SMOC1: variants seen among roughly 807,000 people sequenced by gnomAD.
SMOC1 encodes SPARC-related modular calcium-binding protein 1.
SMOC1 carries 22 observed loss-of-function variants against 56.3 expected under a neutral mutation model. That is an observed-to-expected ratio of 0.39 (90% CI 0.28 to 0.56). The LOEUF (loss-of-function observed/expected upper bound fraction) is 0.56, where lower values mean the gene tolerates loss of function less well. Among genes scored for constraint, SMOC1 ranks in the 20% least tolerant of loss-of-function variants. The pLI, the probability that SMOC1 is intolerant of heterozygous loss-of-function variation, is 0.61. For synonymous variants in SMOC1, 193 were observed against 215.0 expected, an observed-to-expected ratio of 0.90 and a Z score of 0.89; for missense variants, 509 against 565.4, an observed-to-expected ratio of 0.90 and a Z score of 1.01.
intron 2 of SMOC1, 46 bp downstream of exon 2, chr14:69,952,349 C>A: frequency 6.2e-7 from 1 of 1,607,438 alleles, no homozygotes; most frequent in Non-Finnish European, 8.5e-7. Context: ...TTCCTGGGCA[C>A]CCCAGCTCCC....
rs902547998 is a variant in SMOC1, at chr14:69,952,097, C to G, written c.100-41C>G. The G allele has an allele frequency of 3.1e-6, 5 of 1,611,078 alleles. No individual in the cohort carries two copies. In the African/African-American group the frequency reaches 4.0e-5, roughly 13 times the overall value. On this transcript the variant is annotated intron_variant, in intron 1 of 11. Coordinates refer to ENST00000361956, the MANE Select transcript of SMOC1 (RefSeq NM_001034852.3). ...CATGGACTCGCCCCTACTTTTCTTG[C>G]AAAAGTAACCTCTGTACCCTTTCAC... is the stretch of plus-strand genomic sequence containing the variant.
chr14:69,926,961 G>A (rs1951510), intron 1 of SMOC1, among the ~76,000 whole-genome samples: 42,947 of 151,992 alleles, frequency 0.28, 6,622 homozygotes, highest in East Asian at 0.54. Context: ...GATGACAACA[G>A]TGGCTCACAT....
intron 7 of SMOC1, 30 bp downstream of exon 7, chr14:69,994,510 A>T: frequency 6.4e-7 from 1 of 1,552,960 alleles, no homozygotes; most frequent in South Asian, 1.1e-5. Context: ...TTATATATGT[A>T]CCCAGTCCAT....
intron 1 of SMOC1, among the ~76,000 whole-genome samples, chr14:69,920,253 C>T (rs752308745): frequency 1.6e-4 from 25 of 152,110 alleles, no homozygotes; most frequent in South Asian, 4.1e-4. Flanking sequence ...CTATGGCTGA[C>T]CTTGTAAGAA....
chr14:69,969,076 T>G (rs1264258952), intron 3 of SMOC1, among the ~76,000 whole-genome samples: 2 of 152,202 alleles, frequency 1.3e-5, no homozygotes, highest in Admixed American at 6.5e-5. Flanking sequence ...CATAGTGAAC[T>G]GAGAGCCTGA....
Position 70,024,973 on chromosome 14 carries a change from A to G in SMOC1, c.1291+1526A>G, listed in dbSNP as rs73290778. 8.5e-3 allele frequency among the ~76,000 whole-genome samples: 1,295 copies of G among 152,268 alleles called. 21 individuals are homozygous for G. Among genetic ancestry groups the G allele is most frequent in the African/African-American group, 0.029 (1,218 of 41,548 alleles). On this transcript the variant is annotated intron_variant, in intron 11 of 11. Transcript: ENST00000361956. ...CCAAGTTATGAAAACACAGCAGGGTAAGGGGAATGGAGAGAAGTGGGTGAT... is the reference window on the plus strand; with the variant it reads ...CCAAGTTATGAAAACACAGCAGGGTGAGGGGAATGGAGAGAAGTGGGTGAT...
At chr14:69,901,455 A>G (rs1884239710) in intron 1 of SMOC1, among the ~76,000 whole-genome samples, 1 of 152,240 alleles carries the variant, frequency 6.6e-6, no homozygotes, top group Non-Finnish European at 1.5e-5. Flanking sequence ...GATGGCACAC[A>G]TCTTCACATT....
intron 5 of SMOC1, among the ~76,000 whole-genome samples, chr14:69,979,988 G>A (rs994064654): frequency 1.3e-5 from 2 of 152,234 alleles, no homozygotes; most frequent in Non-Finnish European, 2.9e-5. Flanking sequence ...CCAGGGGGAT[G>A]TGGCTTTGCA....
chr14:69,909,054 T>C (rs2139342081), intron 1 of SMOC1, among the ~76,000 whole-genome samples: 1 of 152,314 alleles, frequency 6.6e-6, no homozygotes, highest in South Asian at 2.1e-4. Context: ...TTTATCTCTT[T>C]GCTCCACTAG....
intron 10 of SMOC1, among the ~76,000 whole-genome samples, chr14:70,015,808 A>G (rs568898816): frequency 4.6e-5 from 7 of 152,104 alleles, no homozygotes; most frequent in African/African-American, 7.2e-5. Context: ...AAAAGGCAGT[A>G]TTGTTGGCCT....
intron 1 of SMOC1, among the ~76,000 whole-genome samples, chr14:69,934,442 A>G (rs113221402): frequency 0.02 from 3,049 of 152,258 alleles, 43 homozygotes; most frequent in Non-Finnish European, 0.025. Context: ...TCGTCCTGCT[A>G]TGTTAGAGAG....
At chr14:69,898,222 A>AT (rs905204068) in intron 1 of SMOC1, among the ~76,000 whole-genome samples, 6 of 151,042 alleles carry the variant, frequency 4.0e-5, no homozygotes, top group African/African-American at 9.7e-5. Context: ...TTTATCTTTG[A>AT]TTTTTTTTGC....
chr14:69,887,912 AT>A (rs1883854043), intron 1 of SMOC1, among the ~76,000 whole-genome samples: 1 of 152,136 alleles, frequency 6.6e-6, no homozygotes, highest in African/African-American at 2.4e-5. Context: ...TTCTAGTTTG[AT>A]GCCTGTCTTT....
chr14:69,975,805 G>A lies in SMOC1; in HGVS notation c.469G>A (p.Val157Ile), dbSNP rs1883928442. The stretch of plus-strand genomic sequence containing the variant: ...CTCTTCTGTGCAGAATAAAACTCCT[G>A]TATGTTCAGGTACCGTAGGGAGGGG... ...SGSSVQNKTP[V>I]CSGSVTDKPL... is the part of the protein sequence containing the mutation. Residue 157 changes from valine (V) to isoleucine (I), a missense_variant, in exon 4 of 12, where the codon GTA becomes ATA. Transcript: ENST00000361956. The A allele has an allele frequency of 6.2e-7, 1 of 1,610,918 alleles. No homozygotes were observed.
intron 9 of SMOC1, 125 bp downstream of exon 9, chr14:70,011,692 G>A (rs1343725432): frequency 5.7e-6 from 5 of 875,704 alleles, no homozygotes; most frequent in South Asian, 1.4e-5. Context: ...CAGGAGCCGT[G>A]GGATCTACAT....
At chr14:69,904,188 A>G (rs2139332426) in intron 1 of SMOC1, among the ~76,000 whole-genome samples, 1 of 152,236 alleles carries the variant, frequency 6.6e-6, no homozygotes, top group East Asian at 1.9e-4. Context: ...TATTTGCTTG[A>G]GTCCATTTGA....
chr14:69,912,425 T>A (rs114535977), intron 1 of SMOC1, among the ~76,000 whole-genome samples: 2,949 of 152,196 alleles, frequency 0.019, 97 homozygotes, highest in African/African-American at 0.068. Context: ...ATTAAAAAAA[T>A]TTTTTTTGTA....
At chr14:70,022,835 G>A (rs955067806) in intron 10 of SMOC1, among the ~76,000 whole-genome samples, 16 of 152,246 alleles carry the variant, frequency 1.1e-4, no homozygotes, top group African/African-American at 3.4e-4. Flanking sequence ...CTTGTCCGCA[G>A]TGAGTGCTAG....
At chr14:69,948,968 T>A (rs1475604088) in intron 1 of SMOC1, among the ~76,000 whole-genome samples, 1 of 152,174 alleles carries the variant, frequency 6.6e-6, no homozygotes, top group Non-Finnish European at 1.5e-5. Flanking sequence ...CCTTTCATTA[T>A]AACAAACAGA....
Sources: gnomAD v4.1 joint callset for allele counts (sites outside exome capture counted in the v4.1 genomes callset) on GRCh38, gnomAD v4.1.1 for gene constraint, MANE v1.5 for transcripts, NCBI Gene and HGNC (gene_info 2026-07-23, HGNC 2026-07-21) for gene names.